Variants in SLC6A3 observed in about 807,000 individuals in gnomAD.
The protein encoded by SLC6A3 is solute carrier family 6 member 3.
Under a neutral mutation model 70.4 loss-of-function variants are expected in SLC6A3, and 19 were observed. The observed-to-expected ratio is 0.27, with a 90% CI of 0.19 to 0.40. The LOEUF is 0.40. Ranked by LOEUF, SLC6A3 falls within the 10% of genes least tolerant of loss-of-function variation. The probability of loss-of-function intolerance (pLI) is 1.00; values close to 1 mark genes in which losing one functional copy is unlikely to be tolerated. For synonymous variants in SLC6A3, 368 were observed against 356.6 expected, an observed-to-expected ratio of 1.03 and a Z score of -0.36; for missense variants, 613 against 838.5, an observed-to-expected ratio of 0.73 and a Z score of 3.32.
At chr5:1,433,197 C>T (rs1579723207) in intron 3 of SLC6A3, among the ~76,000 whole-genome samples, 1 of 152,140 alleles carries the variant, frequency 6.6e-6, no homozygotes, top group African/African-American at 2.4e-5. Context: ...GGCTATCAGG[C>T]CCATGTGAAA....
intron 3 of SLC6A3, among the ~76,000 whole-genome samples, chr5:1,439,206 C>T (rs556313709): frequency 6.6e-6 from 1 of 152,204 alleles, no homozygotes; most frequent in African/African-American, 2.4e-5. Flanking sequence ...GGGACGGAGG[C>T]ATGTTCTGAG....
In SLC6A3 at chr5:1,435,179, G is replaced by A. The variant is rs937751044; in HGVS notation, c.419-2481C>T. Among the ~76,000 whole-genome samples the A allele has an allele frequency of 4.6e-5, 7 of 152,122 alleles. No individual in the cohort carries two copies. The South Asian group carries it at 1.0e-3, about 23-fold the overall frequency. On this transcript the variant is annotated intron_variant, in intron 3 of 14. Coordinates refer to ENST00000270349, the MANE Select transcript of SLC6A3 (RefSeq NM_001044.5). ...CCATATTAAATAATTCTATATTACC[G>A]TCTGTCCGGAGTCCCTTAGGAGAGA...
In SLC6A3 at chr5:1,443,147, C is replaced by A. The variant is rs201684311; in HGVS notation, c.51G>T (p.Pro17=). Residue 17 remains proline (P), a synonymous_variant, in exon 2 of 15, where the codon CCG becomes CCT. Coordinates refer to ENST00000270349, the MANE Select transcript of SLC6A3 (RefSeq NM_001044.5). ...SVGLMSSVVA[P]AKEPNAVGPK... ...GGCCCACGGCATTGGGCTCCTTAGC[C>A]GGGGCCACCACGGAAGACATGAGTC... 6.2e-7 allele frequency: 1 copy of A among 1,614,252 alleles called. No homozygotes were observed. The highest frequency in any genetic ancestry group is 1.3e-5 in the African/African-American group (1 of 75,074).
Position 1,437,769 on chromosome 5 carries a change from G to A in SLC6A3, c.418+3590C>T, listed in dbSNP as rs899159752. 6.6e-5 allele frequency among the ~76,000 whole-genome samples: 10 copies of A among 152,246 alleles called. No individual in the cohort carries two copies. Among genetic ancestry groups the A allele is most frequent in the South Asian group, 2.1e-4 (1 of 4,830 alleles). On this transcript the variant is annotated intron_variant, in intron 3 of 14. Transcript: ENST00000270349. This position sits in a 1 kb window ranked among gnomAD's most constrained non-coding sequence, Gnocchi z 4.8. ...GCCAGGAACAACCAGGCTTCCTGGA[G>A]AGCTGGCTTCATTCCCCCATGGAAT... is the stretch of plus-strand genomic sequence containing the variant.
Position 1,400,909 on chromosome 5 carries a change from C to T in SLC6A3, c.1839+6G>A, listed in dbSNP as rs1755833555. 3 of 1,577,564 alleles carry T rather than the reference C, an allele frequency of 1.9e-6. No homozygotes were observed. Among genetic ancestry groups the T allele is most frequent in the East Asian group, 2.3e-5 (1 of 43,126 alleles). ...GAGAGAGGCCCAGCAGGGACCTCGA[C>T]CTCACCGTGAACTGGCGCACCTCCC... On this transcript the variant is annotated splice_donor_region_variant and intron_variant, in intron 14 of 14. Coordinates refer to ENST00000270349, the MANE Select transcript of SLC6A3 (RefSeq NM_001044.5).
intron 4 of SLC6A3, among the ~76,000 whole-genome samples, chr5:1,424,426 C>A (rs1462918942): frequency 2.0e-5 from 3 of 152,238 alleles, no homozygotes; most frequent in Admixed American, 2.0e-4. Context: ...CTTCTGAGGC[C>A]TCCCAGCAAC....
Position 1,406,073 on chromosome 5 carries a change from G to T in SLC6A3, c.1599+115C>A, listed in dbSNP as rs140879286. 453 of 776,382 alleles carry T rather than the reference G, an allele frequency of 5.8e-4. 3 individuals carry two copies. In the African/African-American group the frequency reaches 7.1e-3, roughly 12 times the overall value. 48.1% of individuals were successfully genotyped at this position (776,382 alleles called of 1,614,324 possible). The stretch of plus-strand genomic sequence containing the variant: ...CTGTCCTTCTGGGCCGAGTCTTGAG[G>T]CCCCTGACTCCAGCCACAGTGACAA... On this transcript the variant is annotated intron_variant, in intron 12 of 14. Transcript: ENST00000270349. The surrounding 1 kb of genome is among the most constrained non-coding windows in gnomAD (Gnocchi z 8.8).
At position 1,394,566 on chromosome 5, in the gene SLC6A3, A is replaced by G; in HGVS notation, c.*169T>C. On this transcript the variant is annotated 3_prime_UTR_variant, in exon 15 of 15. Transcript: ENST00000270349. The surrounding 1 kb of genome is among the most constrained non-coding windows in gnomAD (Gnocchi z 4.7). ...CGGCGAGGTGCGCTCCCGGCACGGA[A>G]AGGTGTAAACAGTCAGAAGAGAGGA... 2.7e-6 allele frequency: 2 copies of G among 753,216 alleles called. No homozygotes were observed. Among genetic ancestry groups the G allele is most frequent in the East Asian group, 2.5e-5 (1 of 40,362 alleles). 46.7% of individuals were successfully genotyped at this position (753,216 alleles called of 1,614,324 possible).
rs1013326432 is a variant in SLC6A3 at position 1,420,248 on chromosome 5, C to T, written c.927+321G>A. Among the ~76,000 whole-genome samples, 9 of 152,356 alleles carry T rather than the reference C, an allele frequency of 5.9e-5. No individual in the cohort carries two copies. The East Asian group carries it at 1.4e-3, about 23-fold the overall frequency. Reference sequence around the variant, plus strand: ...GCCAGGAAGGGTGCAGCCCTTTCTCCTCCCTTTCTGGACAAGGGTCCCATC... The same window carrying T: ...GCCAGGAAGGGTGCAGCCCTTTCTCTTCCCTTTCTGGACAAGGGTCCCATC... On this transcript the variant is annotated intron_variant, in intron 6 of 14. Coordinates refer to ENST00000270349, the MANE Select transcript of SLC6A3 (RefSeq NM_001044.5).
intron 14 of SLC6A3, among the ~76,000 whole-genome samples, chr5:1,395,150 C>T (rs949068610): frequency 1.3e-5 from 2 of 152,174 alleles, no homozygotes; most frequent in Non-Finnish European, 2.9e-5. Flanking sequence ...CACCTCTCCC[C>T]CACGTCCCTC....
chr5:1,415,951 C>T (rs1166588939), intron 7 of SLC6A3, 147 bp downstream of exon 7: 3 of 698,602 alleles, frequency 4.3e-6, no homozygotes, highest in East Asian at 2.7e-5. Context: ...GCCTCGCTGT[C>T]GCTTCTGTCT....
rs919331997 is a variant in SLC6A3 at position 1,393,962 on chromosome 5, C to A, written c.*773G>T. On this transcript the variant is annotated 3_prime_UTR_variant, in exon 15 of 15. Transcript: ENST00000270349. ...CACGCTCCTGTGGGGGCCCTGCATG[C>A]GTCCGGGGATAGGACACGCTCCTCT... 1 of 154,324 alleles carries A rather than the reference C, an allele frequency of 6.5e-6. No homozygotes were observed. The highest frequency in any genetic ancestry group is 2.0e-4 in the South Asian group (1 of 4,904). 9.6% of individuals were successfully genotyped at this position (154,324 alleles called of 1,614,324 possible).
intron 6 of SLC6A3, among the ~76,000 whole-genome samples, chr5:1,417,447 C>A (rs776552198): frequency 6.6e-6 from 1 of 152,204 alleles, no homozygotes; most frequent in African/African-American, 2.4e-5. Context: ...TGTATCCTTC[C>A]CAAAACATGA....
intron 8 of SLC6A3, among the ~76,000 whole-genome samples, chr5:1,414,036 G>A (rs555995856): frequency 2.0e-4 from 30 of 152,304 alleles, no homozygotes; most frequent in Non-Finnish European, 4.0e-4. Context: ...GACACTCAGC[G>A]TCATGCGTCG....
rs1395630486 is a variant in SLC6A3, at chr5:1,404,256, C to T, written c.1600-1167G>A. On this transcript the variant is annotated intron_variant, in intron 12 of 14. Transcript: ENST00000270349. The surrounding 1 kb of genome is among the most constrained non-coding windows in gnomAD (Gnocchi z 5.2). Reference sequence around the variant, plus strand: ...GGCTGGGGTTGTGTCTGTCACGTGACCAGAGCCAGGGTGAGCAGCACTTTG... The same window carrying T: ...GGCTGGGGTTGTGTCTGTCACGTGATCAGAGCCAGGGTGAGCAGCACTTTG... Among the ~76,000 whole-genome samples the T allele has an allele frequency of 6.6e-6, 1 of 152,182 alleles. No individual in the cohort carries two copies. Among genetic ancestry groups the T allele is most frequent in the Non-Finnish European group, 1.5e-5 (1 of 68,030 alleles).
chr5:1,441,017 A>G (rs1400791695), intron 3 of SLC6A3, among the ~76,000 whole-genome samples: 1 of 152,260 alleles, frequency 6.6e-6, no homozygotes, highest in Non-Finnish European at 1.5e-5. Flanking sequence ...TAGATAATGG[A>G]TAGATAGATA....
Position 1,442,644 on chromosome 5 carries a change from C to T in SLC6A3, c.286+268G>A, listed in dbSNP as rs370692994. On this transcript the variant is annotated intron_variant, in intron 2 of 14. Coordinates refer to ENST00000270349, the MANE Select transcript of SLC6A3 (RefSeq NM_001044.5). The surrounding 1 kb of genome is among the most constrained non-coding windows in gnomAD (Gnocchi z 5.0). ...AACAGGAGGCAGAGCCAAGCTGCCC[C>T]GTCTGCCGCCCCCCACCCCCCAGCT... 1.6e-4 allele frequency among the ~76,000 whole-genome samples: 25 copies of T among 152,182 alleles called. No homozygotes were observed. In the East Asian group the frequency reaches 4.5e-3, roughly 27 times the overall value.
chr5:1,402,798 C>T lies in SLC6A3; in HGVS notation c.1767+124G>A, dbSNP rs574785783. The T allele has an allele frequency of 1.0e-5, 10 of 989,084 alleles. No homozygotes were observed. The South Asian group carries it at 1.2e-4, about 12-fold the overall frequency. The allele number at this position is 989,084 out of a possible 1,614,324, so 61.3% of individuals were successfully genotyped here. A position where few individuals can be genotyped will look rare whatever the true frequency, so the allele number is the denominator to read the frequency against. The stretch of plus-strand genomic sequence containing the variant: ...CACACACACACAGTGTTGTGGTGGC[C>T]ACCTCCAGTCTCCTCCTCTTGGTCA... On this transcript the variant is annotated intron_variant, in intron 13 of 14. Coordinates refer to ENST00000270349, the MANE Select transcript of SLC6A3 (RefSeq NM_001044.5). This position sits in a 1 kb window ranked among gnomAD's most constrained non-coding sequence, Gnocchi z 8.5.
In SLC6A3 at chr5:1,401,229, G is replaced by T; in HGVS notation, c.1768-243C>A. On this transcript the variant is annotated intron_variant, in intron 13 of 14. Transcript: ENST00000270349. The surrounding 1 kb of genome is among the most constrained non-coding windows in gnomAD (Gnocchi z 6.1). ...CCAACATCCTGACGGTCCCCTTAAA[G>T]TCTAGCGCAGAGCAGAACATCAGCA... is the stretch of plus-strand genomic sequence containing the variant. The T allele has an allele frequency of 4.3e-6, 3 of 689,880 alleles. No homozygotes were observed. Among genetic ancestry groups the T allele is most frequent in the Non-Finnish European group, 5.3e-6 (2 of 376,950 alleles). 42.7% of individuals were successfully genotyped at this position (689,880 alleles called of 1,614,324 possible).
Sources: gnomAD v4.1 joint callset for allele counts (sites outside exome capture counted in the v4.1 genomes callset) on GRCh38, gnomAD v4.1.1 for gene constraint, Gnocchi (gnomAD v3.1) non-coding constraint, MANE v1.5 for transcripts, NCBI Gene and HGNC (gene_info 2026-07-23, HGNC 2026-07-21) for gene names.